The following SGCZ variants were observed in gnomAD, a reference collection of about 807,000 sequenced individuals.
SGCZ encodes sarcoglycan zeta, also known as zeta-sarcoglycan.
SGCZ carries 40 observed loss-of-function variants against 41.3 expected under a neutral mutation model. The observed-to-expected ratio is 0.97, with a 90% confidence interval of 0.75 to 1.26. The LOEUF (loss-of-function observed/expected upper bound fraction) is 1.26, where lower values mean the gene tolerates loss of function less well. SGCZ is among the 50% of genes most tolerant of loss of function. SGCZ has a pLI of 0.00. For missense variants in SGCZ, 552 were observed against 369.8 expected, an observed-to-expected ratio of 1.49 and a Z score of -4.04; for synonymous variants, 206 against 137.5, an observed-to-expected ratio of 1.50 and a Z score of -3.49.
chr8:14,571,227 A>C (rs905603987), intron 1 of SGCZ, among the ~76,000 whole-genome samples: 2 of 152,182 alleles, frequency 1.3e-5, no homozygotes, highest in African/African-American at 4.8e-5. Context: ...TCTCATGATT[A>C]CAGCATGGGG....
intron 1 of SGCZ, among the ~76,000 whole-genome samples, chr8:14,863,079 G>A (rs1003345619): frequency 2.0e-5 from 3 of 152,088 alleles, no homozygotes; most frequent in African/African-American, 7.2e-5. Flanking sequence ...GCTCGGTTAT[G>A]TATCTCACAT....
chr8:14,979,795 G>T (rs2130878035), intron 1 of SGCZ, among the ~76,000 whole-genome samples: 1 of 152,332 alleles, frequency 6.6e-6, no homozygotes. Context: ...TTGGGCAGGT[G>T]ATGACAAGTA....
chr8:14,412,403 C>A (rs562367650), intron 2 of SGCZ, among the ~76,000 whole-genome samples: 1 of 152,020 alleles, frequency 6.6e-6, no homozygotes, highest in Non-Finnish European at 1.5e-5. Flanking sequence ...ACTGGGTATG[C>A]GTACATTTGA....
chr8:14,557,532 A>T (rs1490654145), intron 1 of SGCZ, among the ~76,000 whole-genome samples: 2 of 152,010 alleles, frequency 1.3e-5, no homozygotes, highest in African/African-American at 4.8e-5. Flanking sequence ...TTCCAATGTT[A>T]TCTTCTAGAA....
intron 2 of SGCZ, among the ~76,000 whole-genome samples, chr8:14,395,525 A>G (rs1287568329): frequency 6.6e-6 from 1 of 152,188 alleles, no homozygotes; most frequent in Admixed American, 6.5e-5. Flanking sequence ...AAAGGTCCAA[A>G]TGGACTAGGT....
At chr8:14,981,288 A>C (rs1034133952) in intron 1 of SGCZ, among the ~76,000 whole-genome samples, 1 of 152,210 alleles carries the variant, frequency 6.6e-6, no homozygotes, top group African/African-American at 2.4e-5. Context: ...CACATTCCTT[A>C]TTATTATCAG....
Position 14,111,542 on chromosome 8 carries a change from C to G in SGCZ, c.548-3307G>C, listed in dbSNP as rs74594649. Among the ~76,000 whole-genome samples the G allele has an allele frequency of 5.4e-3, 824 of 152,172 alleles. 8 individuals are homozygous for G. Among genetic ancestry groups the G allele is most frequent in the African/African-American group, 0.019 (799 of 41,508 alleles). On this transcript the variant is annotated intron_variant, in intron 5 of 7. Transcript: ENST00000382080. Reference sequence around the variant, plus strand: ...ACTTATTGAATAAATGTTTGTTTTTCATTGCTATTTTAAGGGGCTGTTCAA... The same window carrying G: ...ACTTATTGAATAAATGTTTGTTTTTGATTGCTATTTTAAGGGGCTGTTCAA...
At chr8:14,348,713 C>G (rs1041465085) in intron 2 of SGCZ, among the ~76,000 whole-genome samples, 6 of 152,088 alleles carry the variant, frequency 3.9e-5, no homozygotes, top group African/African-American at 7.2e-5. Flanking sequence ...AATTCAAAAG[C>G]TGATTTGGTG....
chr8:14,641,637 C>T (rs60943198), intron 1 of SGCZ, among the ~76,000 whole-genome samples: 29,084 of 151,444 alleles, frequency 0.19, 3,296 homozygotes, highest in East Asian at 0.6. Flanking sequence ...TCACAGTCTC[C>T]AAAACACAAT....
At chr8:14,745,664 T>C (rs1799320243) in intron 1 of SGCZ, among the ~76,000 whole-genome samples, 1 of 151,906 alleles carries the variant, frequency 6.6e-6, no homozygotes, top group African/African-American at 2.4e-5. Context: ...TATACACACA[T>C]ACATATACGT....
intron 1 of SGCZ, among the ~76,000 whole-genome samples, chr8:15,032,755 A>C (rs1290336330): frequency 6.6e-6 from 1 of 152,078 alleles, no homozygotes; most frequent in African/African-American, 2.4e-5. Context: ...CCACAGCCCC[A>C]GACGTCAGGC....
intron 2 of SGCZ, among the ~76,000 whole-genome samples, chr8:14,364,742 T>C (rs1220127475): frequency 6.6e-6 from 1 of 152,188 alleles, no homozygotes; most frequent in South Asian, 2.1e-4. Context: ...AAGTTCTTGG[T>C]ATATTTTAGT....
At chr8:14,591,409 G>A (rs931369968) in intron 1 of SGCZ, among the ~76,000 whole-genome samples, 6 of 151,844 alleles carry the variant, frequency 4.0e-5, no homozygotes, top group African/African-American at 1.2e-4. Flanking sequence ...TCTAGAGCTC[G>A]TGCATTTCCT....
At chr8:14,594,545 C>T (rs1025244389) in intron 1 of SGCZ, among the ~76,000 whole-genome samples, 2 of 150,158 alleles carry the variant, frequency 1.3e-5, no homozygotes, top group African/African-American at 5.1e-5. Context: ...CATATAAAAG[C>T]ATGGTGATGA....
chr8:15,143,338 A>C (rs182938206), intron 1 of SGCZ, among the ~76,000 whole-genome samples: 4 of 152,192 alleles, frequency 2.6e-5, no homozygotes, highest in Non-Finnish European at 4.4e-5. Context: ...AAAAATATCT[A>C]TTGAAAGAAT....
intron 6 of SGCZ, among the ~76,000 whole-genome samples, chr8:14,105,609 C>G (rs1191987000): frequency 6.6e-6 from 1 of 151,962 alleles, no homozygotes; most frequent in African/African-American, 2.4e-5. Flanking sequence ...CTCTACTTTT[C>G]TTCTGTTTCA....
chr8:14,105,046 G>A (rs912999063), intron 6 of SGCZ, among the ~76,000 whole-genome samples: 8 of 152,098 alleles, frequency 5.3e-5, no homozygotes, highest in Admixed American at 2.6e-4. Flanking sequence ...ATATATTAAT[G>A]TAAGAAATAA....
At chr8:14,514,802 T>C (rs1380425492) in intron 2 of SGCZ, among the ~76,000 whole-genome samples, 2 of 87,070 alleles carry the variant, frequency 2.3e-5, no homozygotes, top group African/African-American at 8.1e-5. Flanking sequence ...TGTGTGTGTG[T>C]GTGTGTGTGT....
intron 1 of SGCZ, among the ~76,000 whole-genome samples, chr8:14,940,142 A>T (rs1563378041): frequency 6.6e-6 from 1 of 152,146 alleles, no homozygotes; most frequent in Non-Finnish European, 1.5e-5. Flanking sequence ...ATCAGTGATA[A>T]TCAAAAGCCA....
Sources: gnomAD v4.1 joint callset for allele counts (sites outside exome capture counted in the v4.1 genomes callset) on GRCh38, gnomAD v4.1.1 for gene constraint, MANE v1.5 for transcripts, NCBI Gene and HGNC (gene_info 2026-07-23, HGNC 2026-07-21) for gene names.